Variants in CACNA1C observed in about 807,000 individuals in gnomAD.
CACNA1C encodes calcium voltage-gated channel subunit alpha1 C.
In CACNA1C, 30 loss-of-function variants were observed where a neutral mutation model predicts 229.0. The observed-to-expected ratio is 0.13, with a 90% CI of 0.10 to 0.18. The LOEUF (loss-of-function observed/expected upper bound fraction) is 0.18, where lower values mean the gene tolerates loss of function less well. Ranked by LOEUF, CACNA1C falls within the 10% of genes least tolerant of loss-of-function variation. CACNA1C has a pLI of 1.00. For synonymous variants in CACNA1C, 1,114 were observed against 1,132.5 expected (o/e 0.98, Z 0.33); for missense variants, 1,658 against 2,845.0 (o/e 0.58, Z 9.49).
At chr12:2,261,959 C>G (rs770769983) in intron 3 of CACNA1C, among the ~76,000 whole-genome samples, 15 of 152,352 alleles carry the variant, frequency 9.8e-5, no homozygotes, top group Non-Finnish European at 2.2e-4. Flanking sequence ...CCCCATCACC[C>G]TGCAGTTATC....
At chr12:2,611,029 A>G (rs1410568308) in intron 28 of CACNA1C, among the ~76,000 whole-genome samples, 2 of 150,184 alleles carry the variant, frequency 1.3e-5, no homozygotes, top group Admixed American at 6.6e-5. Context: ...TTGTTGGTTG[A>G]TCAATGGAGA....
chr12:2,373,670 T>C (rs768623740), intron 3 of CACNA1C, among the ~76,000 whole-genome samples: 1 of 152,170 alleles, frequency 6.6e-6, no homozygotes. Flanking sequence ...CCATTGAAAG[T>C]ATTTCAGAAG....
chr12:2,052,844 G>A (rs1356449943), upstream of CACNA1C, among the ~76,000 whole-genome samples: 1 of 142,760 alleles, frequency 7.0e-6, no homozygotes, highest in Non-Finnish European at 1.5e-5. Context: ...CTCCCTGCGC[G>A]CCGCCGCAGC....
At chr12:2,139,392 G>A (rs1565932203) in intron 3 of CACNA1C, among the ~76,000 whole-genome samples, 1 of 151,120 alleles carries the variant, frequency 6.6e-6, no homozygotes, top group South Asian at 2.1e-4. Flanking sequence ...CATCTGCAAA[G>A]ACTTTATTTC....
chr12:2,674,167 C>T (rs772726671), intron 38 of CACNA1C, among the ~76,000 whole-genome samples: 28 of 152,228 alleles, frequency 1.8e-4, no homozygotes, highest in Non-Finnish European at 3.2e-4. Context: ...CAGGGCCATA[C>T]GTGTTCCAGC....
At chr12:2,032,453 A>G (rs1159963061) in intron 1 of CACNA1C, among the ~76,000 whole-genome samples, 2 of 152,234 alleles carry the variant, frequency 1.3e-5, no homozygotes, top group Admixed American at 1.3e-4. Flanking sequence ...TAAAAAATCA[A>G]GTTAGCATCT....
At chr12:2,324,256 C>A (rs1020675718) in intron 3 of CACNA1C, among the ~76,000 whole-genome samples, 1 of 152,198 alleles carries the variant, frequency 6.6e-6, no homozygotes, top group South Asian at 2.1e-4. Context: ...TGGCACAAAA[C>A]GTGAAACCAC....
intron 7 of CACNA1C, among the ~76,000 whole-genome samples, chr12:2,494,115 C>T (rs1487409998): frequency 1.3e-5 from 2 of 152,122 alleles, no homozygotes; most frequent in African/African-American, 4.8e-5. Flanking sequence ...TTGCACCCAT[C>T]CACCCGTCAT....
At chr12:2,509,838 T>C (rs142754018) in intron 8 of CACNA1C, among the ~76,000 whole-genome samples, 13 of 152,326 alleles carry the variant, frequency 8.5e-5, no homozygotes, top group Admixed American at 6.5e-5. Context: ...CGGGAACATG[T>C]AGAGTTTTTG....
At chr12:2,252,839 C>CACTTTGCT (rs2076088530) in intron 3 of CACNA1C, among the ~76,000 whole-genome samples, 2 of 151,894 alleles carry the variant, frequency 1.3e-5, no homozygotes, top group South Asian at 4.2e-4. Context: ...TAGAGGATGG[C>CACTTTGCT]ACTTTGCTGG....
intron 3 of CACNA1C, among the ~76,000 whole-genome samples, chr12:2,302,698 C>G (rs1331895433): frequency 3.3e-5 from 5 of 152,170 alleles, no homozygotes; most frequent in Non-Finnish European, 5.9e-5. Context: ...GCTTATTCGC[C>G]AAAATGTATC....
At chr12:2,422,341 A>T (rs545533485) in intron 3 of CACNA1C, among the ~76,000 whole-genome samples, 5 of 152,318 alleles carry the variant, frequency 3.3e-5, no homozygotes, top group South Asian at 4.1e-4. Flanking sequence ...GGAGGGCAGA[A>T]TCATTTCTGC....
intron 3 of CACNA1C, among the ~76,000 whole-genome samples, chr12:2,179,767 C>A (rs2096775190): frequency 6.6e-6 from 1 of 152,166 alleles, no homozygotes; most frequent in Non-Finnish European, 1.5e-5. Flanking sequence ...GAGTATTTGG[C>A]TGTTCAATGG....
At chr12:2,415,399 G>A (rs1021333289) in intron 3 of CACNA1C, among the ~76,000 whole-genome samples, 21 of 152,082 alleles carry the variant, frequency 1.4e-4, no homozygotes, top group African/African-American at 4.3e-4. Flanking sequence ...GCCGCGCAGC[G>A]CCCCTGTAGT....
rs202058956 is a variant in CACNA1C, at chr12:2,610,549, C to T, written c.3567C>T (p.Cys1189=). 134 of 1,613,340 alleles carry T rather than the reference C, an allele frequency of 8.3e-5. No individual in the cohort carries two copies. The highest frequency in any genetic ancestry group is 2.5e-4 in the East Asian group (11 of 44,874). ...NCELDKNQRQ[C]VEYALKARPL... ...CTCCACCACCCTCCCAGCGACAGTGCGTGGAATACGCCCTCAAGGCCCGGC... is the reference window on the plus strand; with the variant it reads ...CTCCACCACCCTCCCAGCGACAGTGTGTGGAATACGCCCTCAAGGCCCGGC... The change falls in exon 28 of 47, where the codon TGC becomes TGT. Residue 1189 remains cysteine, a synonymous_variant. Coordinates refer to ENST00000399655, the MANE Select transcript of CACNA1C (RefSeq NM_000719.7).
At chr12:2,621,280 CT>C (rs2083104155) in intron 29 of CACNA1C, among the ~76,000 whole-genome samples, 1 of 151,990 alleles carries the variant, frequency 6.6e-6, no homozygotes, top group African/African-American at 2.4e-5. Flanking sequence ...GAAGAGGCAC[CT>C]GTTTAAAATA....
chr12:2,354,139 G>T lies in CACNA1C; in HGVS notation c.478-94837G>T, dbSNP rs1362381295. 6.6e-6 allele frequency among the ~76,000 whole-genome samples: 1 copy of T among 152,168 alleles called. No homozygotes were observed. Among genetic ancestry groups the T allele is most frequent in the African/African-American group, 2.4e-5 (1 of 41,448 alleles). ...GGATGGAGTGGGGGCTGTCGGGAAG[G>T]ACTGGATGGAGTCTGTTTTTCCAGA... On this transcript the variant is annotated intron_variant, in intron 3 of 46. Transcript: ENST00000399655. This position sits in a 1 kb window ranked among gnomAD's most constrained non-coding sequence, Gnocchi z 4.6.
intron 5 of CACNA1C, among the ~76,000 whole-genome samples, chr12:2,461,338 T>A (rs1334759891): frequency 6.6e-6 from 1 of 152,188 alleles, no homozygotes; most frequent in African/African-American, 2.4e-5. Flanking sequence ...AGCTCTGCCC[T>A]TCATTCACTT....
At chr12:2,510,361 A>C (rs886533510) in intron 8 of CACNA1C, among the ~76,000 whole-genome samples, 1 of 152,154 alleles carries the variant, frequency 6.6e-6, no homozygotes, top group African/African-American at 2.4e-5. Context: ...TCTGTGCCTC[A>C]TACTCCATGG....
Sources: gnomAD v4.1 joint callset for allele counts (sites outside exome capture counted in the v4.1 genomes callset) on GRCh38, gnomAD v4.1.1 for gene constraint, Gnocchi (gnomAD v3.1) non-coding constraint, MANE v1.5 for transcripts, NCBI Gene and HGNC (gene_info 2026-07-23, HGNC 2026-07-21) for gene names.